IGF2BP2: variants seen among roughly 807,000 people sequenced by gnomAD.
IGF2BP2 encodes the protein insulin like growth factor 2 mRNA binding protein 2.
Under a neutral mutation model 75.8 loss-of-function variants are expected in IGF2BP2, and 17 were observed. The observed-to-expected ratio is 0.22, with a 90% CI of 0.15 to 0.34. The LOEUF is 0.34. IGF2BP2 is among the 10% of genes least tolerant of loss of function. IGF2BP2 has a pLI of 1.00. For missense variants in IGF2BP2, 516 were observed against 772.4 expected, an observed-to-expected ratio of 0.67 and a Z score of 3.93; for synonymous variants, 288 against 295.6, an observed-to-expected ratio of 0.97 and a Z score of 0.26.
intron 2 of IGF2BP2, among the ~76,000 whole-genome samples, chr3:185,783,015 A>C (rs188880669): frequency 1.1e-4 from 16 of 152,336 alleles, no homozygotes; most frequent in African/African-American, 3.8e-4. Flanking sequence ...CACAATTAAT[A>C]GTTCTAATTA....
At chr3:185,724,823 C>T (rs999208478) in intron 2 of IGF2BP2, 2 of 152,212 alleles carry the variant, frequency 1.3e-5, no homozygotes, top group Non-Finnish European at 1.5e-5. Context: ...TTTGACACTC[C>T]TCCCATTGAA....
At chr3:185,714,156 C>T (rs1725242493) in intron 2 of IGF2BP2, among the ~76,000 whole-genome samples, 1 of 151,730 alleles carries the variant, frequency 6.6e-6, no homozygotes, top group Non-Finnish European at 1.5e-5. Context: ...TATATGAATA[C>T]ATTCCTTTTT....
intron 10 of IGF2BP2, among the ~76,000 whole-genome samples, chr3:185,670,957 G>A (rs146507978): frequency 3.0e-4 from 45 of 152,294 alleles, no homozygotes; most frequent in Middle Eastern, 3.4e-3. Context: ...GTAGCCTAAC[G>A]TTTGAGGTTA....
At chr3:185,766,533 C>T (rs1487560344) in intron 2 of IGF2BP2, among the ~76,000 whole-genome samples, 1 of 152,142 alleles carries the variant, frequency 6.6e-6, no homozygotes, top group African/African-American at 2.4e-5. Flanking sequence ...TATTGGAACA[C>T]AGCCATGCTC....
intron 2 of IGF2BP2, among the ~76,000 whole-genome samples, chr3:185,811,382 A>G (rs149891824): frequency 1.3e-5 from 2 of 152,292 alleles, no homozygotes; most frequent in Non-Finnish European, 2.9e-5. Flanking sequence ...AGTGTCTTCA[A>G]CAATGTTTTA....
intron 2 of IGF2BP2, among the ~76,000 whole-genome samples, chr3:185,809,907 C>T (rs536247919): frequency 1.3e-5 from 2 of 152,244 alleles, no homozygotes; most frequent in South Asian, 4.2e-4. Context: ...AAAACAAGAC[C>T]CAGCTCTCAT....
At chr3:185,662,543 C>T (rs1437623359) in intron 10 of IGF2BP2, among the ~76,000 whole-genome samples, 1 of 112,646 alleles carries the variant, frequency 8.9e-6, no homozygotes, top group African/African-American at 3.4e-5. Context: ...CCTTCCCATA[C>T]TTTTTTTTTT....
intron 11 of IGF2BP2, among the ~76,000 whole-genome samples, chr3:185,657,809 G>A (rs911719474): frequency 5.9e-5 from 9 of 152,190 alleles, no homozygotes; most frequent in African/African-American, 2.2e-4. Flanking sequence ...ATGGAAAGCT[G>A]CCCAACACAT....
At chr3:185,751,936 C>T (rs189862496) in intron 2 of IGF2BP2, among the ~76,000 whole-genome samples, 1 of 152,226 alleles carries the variant, frequency 6.6e-6, no homozygotes, top group East Asian at 1.9e-4. Flanking sequence ...GCACTCCAGC[C>T]TGGGCAACGA....
chr3:185,658,460 C>A, intron 10 of IGF2BP2, 51 bp from the exon 11 acceptor site: 1 of 1,533,004 alleles, frequency 6.5e-7, no homozygotes. Context: ...GGGACTGTCA[C>A]TGGCCTCAGG....
chr3:185,669,579 G>T (rs983475669), intron 10 of IGF2BP2, among the ~76,000 whole-genome samples: 15 of 147,310 alleles, frequency 1.0e-4, no homozygotes, highest in Non-Finnish European at 1.9e-4. Context: ...AAAAAAGGGG[G>T]GGGGGTAAAG....
chr3:185,824,902 C>T lies in IGF2BP2; in HGVS notation c.59G>A (p.Arg20Gln). The stretch of plus-strand genomic sequence containing the variant: ...CAGCTTCCTGTCCCCAAAGAGCTGC[C>T]GGAGGTCGTCGGCGGTGACGGCGGG... ...LSPAVTADDL[R>Q]QLFGDRKLPL... The change falls in exon 1 of 16, where the codon CGG becomes CAG. Residue 20 changes from arginine to glutamine, a missense_variant. Arg to Gln is a conservative substitution (Grantham distance 43, BLOSUM62 1). Coordinates refer to ENST00000382199, the MANE Select transcript of IGF2BP2 (RefSeq NM_006548.6). 1.3e-6 allele frequency: 2 copies of T among 1,572,496 alleles called. No individual in the cohort carries two copies. Among genetic ancestry groups the T allele is most frequent in the South Asian group, 1.2e-5 (1 of 85,782 alleles).
At chr3:185,738,609 T>G (rs951608694) in intron 2 of IGF2BP2, among the ~76,000 whole-genome samples, 2 of 152,156 alleles carry the variant, frequency 1.3e-5, no homozygotes, top group African/African-American at 2.4e-5. Flanking sequence ...CAGAAAATGT[T>G]TTATTATATG....
At position 185,713,871 on chromosome 3, in the gene IGF2BP2, T is replaced by A. The variant is rs544346271; in HGVS notation, c.240-15524A>T. 3.3e-5 allele frequency among the ~76,000 whole-genome samples: 5 copies of A among 152,256 alleles called. No individual in the cohort carries two copies. In the East Asian group the frequency reaches 9.7e-4, roughly 29 times the overall value. On this transcript the variant is annotated intron_variant, in intron 2 of 15. Coordinates refer to ENST00000382199, the MANE Select transcript of IGF2BP2 (RefSeq NM_006548.6). ...ACCCACCACCACACCCGGCTAATTT[T>A]TGTGTTTTTAGTAGAGATGGGGTTT...
chr3:185,743,914 T>C (rs1729905149), intron 2 of IGF2BP2, among the ~76,000 whole-genome samples: 2 of 152,210 alleles, frequency 1.3e-5, no homozygotes, highest in Non-Finnish European at 2.9e-5. Flanking sequence ...AAGAGGTTTT[T>C]AACACCCAGT....
intron 7 of IGF2BP2, among the ~76,000 whole-genome samples, chr3:185,682,330 T>C (rs553674896): frequency 1.3e-5 from 2 of 152,274 alleles, no homozygotes; most frequent in South Asian, 4.1e-4. Flanking sequence ...CAGAGTGAAT[T>C]AGTGGGTTGA....
chr3:185,718,711 AAGTC>A (rs1314171255), intron 2 of IGF2BP2, among the ~76,000 whole-genome samples: 2 of 150,800 alleles, frequency 1.3e-5, no homozygotes, highest in Non-Finnish European at 3.0e-5. Context: ...AAAAAAAAGA[AAGTC>A]AGAAACTCCC....
chr3:185,796,633 A>AAGAGAG (rs1553892634), intron 2 of IGF2BP2, among the ~76,000 whole-genome samples: 14 of 141,984 alleles, frequency 9.9e-5, no homozygotes, highest in Non-Finnish European at 1.0e-4. Context: ...AAAAAAAAAA[A>AAGAGAG]AGAGAGAGAG....
At chr3:185,691,039 T>G (rs1264736533) in intron 5 of IGF2BP2, among the ~76,000 whole-genome samples, 5 of 152,146 alleles carry the variant, frequency 3.3e-5, no homozygotes, top group African/African-American at 1.2e-4. Flanking sequence ...TGTTGGTGTA[T>G]CTCCACTTAC....
Sources: gnomAD v4.1 joint callset for allele counts (sites outside exome capture counted in the v4.1 genomes callset) on GRCh38, gnomAD v4.1.1 for gene constraint, MANE v1.5 for transcripts, NCBI Gene and HGNC (gene_info 2026-07-23, HGNC 2026-07-21) for gene names.